NELL1: variants seen among roughly 807,000 people sequenced by gnomAD.
NELL1 encodes the protein protein kinase C-binding protein NELL1.
A neutral mutation model predicts 107.4 loss-of-function variants in NELL1; 76 were observed. The ratio of observed to expected loss-of-function variants is 0.71; its 90% CI spans 0.59 to 0.86. NELL1 has a LOEUF of 0.86. NELL1 is among the 40% of genes least tolerant of loss of function. NELL1 has a pLI of 0.00. For synonymous variants in NELL1, 353 were observed against 341.2 expected, an observed-to-expected ratio of 1.03 and a Z score of -0.38; for missense variants, 1,024 against 1,005.5, an observed-to-expected ratio of 1.02 and a Z score of -0.25.
At chr11:21,413,253 CATA>C (rs1852424482) in intron 15 of NELL1, among the ~76,000 whole-genome samples, 1 of 151,822 alleles carries the variant, frequency 6.6e-6, no homozygotes, top group Admixed American at 6.6e-5. Flanking sequence ...CGAGATAAAC[CATA>C]ACCCAGGATG....
chr11:21,144,374 G>A (rs1855930556), intron 13 of NELL1, among the ~76,000 whole-genome samples: 1 of 152,164 alleles, frequency 6.6e-6, no homozygotes, highest in Non-Finnish European at 1.5e-5. Context: ...TTTGAGGTAT[G>A]TGAAATATGC....
chr11:21,193,081 A>C (rs778813589), intron 13 of NELL1, among the ~76,000 whole-genome samples: 2 of 151,802 alleles, frequency 1.3e-5, no homozygotes, highest in African/African-American at 2.4e-5. Flanking sequence ...TATTTCTCCT[A>C]TTCTTTTAAA....
intron 13 of NELL1, among the ~76,000 whole-genome samples, chr11:21,201,047 T>C (rs1857258275): frequency 6.6e-6 from 1 of 152,198 alleles, no homozygotes; most frequent in Non-Finnish European, 1.5e-5. Context: ...TGTAGTATAG[T>C]TTGAGGTCAG....
chr11:21,325,334 C>A (rs899180952), intron 14 of NELL1, among the ~76,000 whole-genome samples: 4 of 151,884 alleles, frequency 2.6e-5, no homozygotes, highest in African/African-American at 4.8e-5. Flanking sequence ...GATTTTTTAC[C>A]TTAAGCTTTG....
intron 12 of NELL1, among the ~76,000 whole-genome samples, chr11:21,063,349 T>C (rs1364834565): frequency 6.6e-6 from 1 of 151,840 alleles, no homozygotes; most frequent in African/African-American, 2.4e-5. Flanking sequence ...TTTATTGGAG[T>C]TTTATTACAC....
intron 2 of NELL1, among the ~76,000 whole-genome samples, chr11:20,686,073 G>A (rs1439185247): frequency 3.3e-5 from 5 of 151,842 alleles, no homozygotes; most frequent in African/African-American, 1.2e-4. Flanking sequence ...CTTCAAAAGT[G>A]CAAAGTGTAA....
At chr11:21,319,131 ATGTGTGTG>A (rs35208989) in intron 14 of NELL1, among the ~76,000 whole-genome samples, 216 of 146,736 alleles carry the variant, frequency 1.5e-3, no homozygotes, top group Non-Finnish European at 2.2e-3. Context: ...TCTCAGCAAT[ATGTGTGTG>A]TGTGTGTGTG....
intron 13 of NELL1, among the ~76,000 whole-genome samples, chr11:21,208,814 C>T (rs972736369): frequency 1.8e-4 from 27 of 152,250 alleles, no homozygotes; most frequent in African/African-American, 6.5e-4. Context: ...TCTATAAGCT[C>T]TTAAAGTGGT....
At chr11:20,766,320 G>C (rs1182140022) in intron 2 of NELL1, among the ~76,000 whole-genome samples, 1 of 152,202 alleles carries the variant, frequency 6.6e-6, no homozygotes, top group Non-Finnish European at 1.5e-5. Context: ...AAAGCAGGGA[G>C]TGCAACCAGA....
chr11:20,893,259 G>C (rs1182578517), intron 5 of NELL1, among the ~76,000 whole-genome samples: 1 of 151,896 alleles, frequency 6.6e-6, no homozygotes, highest in Non-Finnish European at 1.5e-5. Flanking sequence ...GGCCTGTTGG[G>C]GGGTGAGGGG....
At chr11:21,523,660 T>C (rs183974878) in intron 15 of NELL1, among the ~76,000 whole-genome samples, 10 of 152,230 alleles carry the variant, frequency 6.6e-5, no homozygotes, top group Admixed American at 5.2e-4. Flanking sequence ...ATACTCTGCT[T>C]TATAACCTCT....
chr11:20,947,464 TGGGGTGA>T (rs774726114), intron 11 of NELL1, 29 bp downstream of exon 11: 12 of 1,537,294 alleles, frequency 7.8e-6, no homozygotes, highest in South Asian at 4.5e-5. Context: ...GGGCCATGCG[TGGGGTGA>T]GGCTGGGGCT....
At chr11:21,042,838 C>T (rs1172988971) in intron 12 of NELL1, among the ~76,000 whole-genome samples, 1 of 152,036 alleles carries the variant, frequency 6.6e-6, no homozygotes, top group Non-Finnish European at 1.5e-5. Context: ...CCGTATTTGG[C>T]TTATTACCAT....
At chr11:21,440,686 T>G (rs1158456067) in intron 15 of NELL1, among the ~76,000 whole-genome samples, 2 of 152,086 alleles carry the variant, frequency 1.3e-5, no homozygotes, top group African/African-American at 4.8e-5. Flanking sequence ...ACTGGTGAGA[T>G]GTCTTGGAAG....
intron 14 of NELL1, among the ~76,000 whole-genome samples, chr11:21,307,270 A>G (rs1849626074): frequency 6.6e-6 from 1 of 152,086 alleles, no homozygotes. Context: ...TATCTGATTT[A>G]CTGTAGATGA....
At chr11:20,795,656 A>G (rs189680978) in intron 3 of NELL1, among the ~76,000 whole-genome samples, 2 of 152,332 alleles carry the variant, frequency 1.3e-5, no homozygotes, top group Non-Finnish European at 2.9e-5. Context: ...TAAATGATAG[A>G]TAAAATTAAG....
At chr11:21,288,074 G>GAAAT (rs1485750003) in intron 14 of NELL1, among the ~76,000 whole-genome samples, 7 of 151,738 alleles carry the variant, frequency 4.6e-5, no homozygotes, top group African/African-American at 7.3e-5. Context: ...AGGAAATAAG[G>GAAAT]AAGGGAGAAG....
At chr11:21,013,791 T>G (rs1396576317) in intron 12 of NELL1, among the ~76,000 whole-genome samples, 1 of 152,150 alleles carries the variant, frequency 6.6e-6, no homozygotes, top group Non-Finnish European at 1.5e-5. Context: ...TTTTGCCTAT[T>G]GTCCTTTATC....
chr11:21,327,428 G>A (rs562662647), intron 14 of NELL1, among the ~76,000 whole-genome samples: 66 of 152,228 alleles, frequency 4.3e-4, no homozygotes, highest in Non-Finnish European at 7.1e-4. Context: ...GAAGAAGGAT[G>A]TGTTTCCTTC....
Sources: allele counts gnomAD v4.1 joint callset (sites outside exome capture counted in the v4.1 genomes callset), GRCh38; gene constraint gnomAD v4.1.1; transcripts MANE v1.5; gene names NCBI Gene and HGNC (gene_info 2026-07-23, HGNC 2026-07-21).